The following UBTD1 variants were observed in gnomAD, a reference collection of about 807,000 sequenced individuals.
UBTD1 encodes ubiquitin domain-containing protein 1.
A neutral mutation model predicts 21.7 loss-of-function variants in UBTD1; 19 were observed. The observed-to-expected ratio is 0.87, with a 90% CI of 0.61 to 1.28. The LOEUF is 1.28. UBTD1 is among the 50% of genes most tolerant of loss of function. The pLI is 0.00. For missense variants in UBTD1, 282 were observed against 315.1 expected (o/e 0.89, Z 0.80); for synonymous variants, 116 against 135.1 (o/e 0.86, Z 0.98).
At chr10:97,503,669 A>G (rs1449882579) in intron 1 of UBTD1, among the ~76,000 whole-genome samples, 1 of 152,046 alleles carries the variant, frequency 6.6e-6, no homozygotes, top group Non-Finnish European at 1.5e-5. Context: ...TTGAGGGAGT[A>G]ATTGGGCAAC....
At chr10:97,523,312 A>C (rs778302460) in intron 1 of UBTD1, among the ~76,000 whole-genome samples, 17 of 152,224 alleles carry the variant, frequency 1.1e-4, no homozygotes, top group Non-Finnish European at 2.2e-4. Flanking sequence ...ATCTGGGAGC[A>C]ATAGAGGGAA....
At chr10:97,509,390 T>C (rs1009574981) in intron 1 of UBTD1, among the ~76,000 whole-genome samples, 4 of 152,222 alleles carry the variant, frequency 2.6e-5, no homozygotes, top group Non-Finnish European at 4.4e-5. Flanking sequence ...AATGTGATCA[T>C]GTGTGTGTGA....
intron 1 of UBTD1, among the ~76,000 whole-genome samples, chr10:97,561,273 G>T (rs1392727901): frequency 6.6e-6 from 1 of 152,098 alleles, no homozygotes; most frequent in Non-Finnish European, 1.5e-5. Context: ...CGTCTGAGGG[G>T]CTGCCTCAGC....
intron 1 of UBTD1, among the ~76,000 whole-genome samples, chr10:97,503,206 A>T (rs2040384958): frequency 6.6e-6 from 1 of 152,178 alleles, no homozygotes; most frequent in Non-Finnish European, 1.5e-5. Flanking sequence ...GTGAGCCGCC[A>T]CACCCAGCCT....
At chr10:97,539,368 A>G (rs1248087508) in intron 1 of UBTD1, among the ~76,000 whole-genome samples, 1 of 152,148 alleles carries the variant, frequency 6.6e-6, no homozygotes, top group East Asian at 1.9e-4. Flanking sequence ...CTAAGGCGGG[A>G]GGATCAGTTG....
At chr10:97,518,423 G>A (rs1478506245) in intron 1 of UBTD1, among the ~76,000 whole-genome samples, 3 of 152,178 alleles carry the variant, frequency 2.0e-5, no homozygotes, top group African/African-American at 7.2e-5. Context: ...CATGCCTACC[G>A]GCCCGAGGCT....
rs1361207053 is a variant in UBTD1 at position 97,498,974 on chromosome 10, C to T, written c.-230C>T. 2.4e-5 allele frequency: 11 copies of T among 455,240 alleles called. No individual in the cohort carries two copies. Among genetic ancestry groups the T allele is most frequent in the Non-Finnish European group, 3.8e-5 (10 of 262,076 alleles). The allele number at this position is 455,240 out of a possible 1,614,324, so 28.2% of individuals were successfully genotyped here. A position where few individuals can be genotyped will look rare whatever the true frequency, so the allele number is the denominator to read the frequency against. On this transcript the variant is annotated 5_prime_UTR_variant, in exon 1 of 3. Transcript: ENST00000370664. ...TCTCCGGCCGGGCACCGTCGCGGGC[C>T]CCCCTGGCCCGGCCACCTGGGACCG...
rs149635167 is a variant in UBTD1 at position 97,559,012 on chromosome 10, G to A, written c.71-8902G>A. 3.5e-3 allele frequency among the ~76,000 whole-genome samples: 538 copies of A among 152,242 alleles called. 4 individuals are homozygous for A. The highest frequency in any genetic ancestry group is 0.012 in the African/African-American group (478 of 41,538). Reference sequence around the variant, plus strand: ...CCACAATACCACCACGCATCCGCTCGGGGATGAACAAGGGCTGACTGATTG... The same window carrying A: ...CCACAATACCACCACGCATCCGCTCAGGGATGAACAAGGGCTGACTGATTG... On this transcript the variant is annotated intron_variant, in intron 1 of 2. Transcript: ENST00000370664.
intron 2 of UBTD1, among the ~76,000 whole-genome samples, 166 bp from the exon 3 acceptor site, chr10:97,569,972 C>G (rs2040737234): frequency 6.6e-6 from 1 of 152,000 alleles, no homozygotes; most frequent in African/African-American, 2.4e-5. Flanking sequence ...GTCAGGGCCC[C>G]ACGCTATGAC....
intron 2 of UBTD1, among the ~76,000 whole-genome samples, chr10:97,569,186 T>C (rs753652374): frequency 6.6e-6 from 1 of 152,212 alleles, no homozygotes; most frequent in African/African-American, 2.4e-5. Context: ...GCAAGGAGCT[T>C]CTCGAATTTA....
chr10:97,509,045 T>C (rs2040410577), intron 1 of UBTD1, among the ~76,000 whole-genome samples: 1 of 152,266 alleles, frequency 6.6e-6, no homozygotes. Context: ...AGCAAAGTGC[T>C]TGCAGAATCA....
intron 1 of UBTD1, among the ~76,000 whole-genome samples, chr10:97,522,526 G>A (rs1285623657): frequency 2.0e-5 from 3 of 152,274 alleles, no homozygotes; most frequent in South Asian, 2.1e-4. Flanking sequence ...GGTGAAGATC[G>A]GAGACAGGGT....
At chr10:97,509,564 C>G (rs1275054394) in intron 1 of UBTD1, among the ~76,000 whole-genome samples, 1 of 152,174 alleles carries the variant, frequency 6.6e-6, no homozygotes, top group Non-Finnish European at 1.5e-5. Context: ...CCTCCCTAGT[C>G]CTCCCTGGTC....
intron 1 of UBTD1, among the ~76,000 whole-genome samples, chr10:97,558,466 C>A (rs994816686): frequency 6.6e-6 from 1 of 152,142 alleles, no homozygotes; most frequent in African/African-American, 2.4e-5. Context: ...GGCCTTTGGA[C>A]GTGGGGGCAG....
At chr10:97,549,992 G>A (rs73332710) in intron 1 of UBTD1, among the ~76,000 whole-genome samples, 4,858 of 152,276 alleles carry the variant, frequency 0.032, 228 homozygotes, top group African/African-American at 0.1. Context: ...CCGCTGCCAG[G>A]TGGGACACTT....
intron 1 of UBTD1, among the ~76,000 whole-genome samples, chr10:97,504,075 C>G (rs1470731166): frequency 1.3e-5 from 2 of 152,082 alleles, no homozygotes; most frequent in Non-Finnish European, 2.9e-5. Flanking sequence ...TTCTCGTCGT[C>G]CCTGACTTCT....
At chr10:97,566,671 G>GCGGAGAT (rs946559016) in intron 1 of UBTD1, among the ~76,000 whole-genome samples, 7 of 152,350 alleles carry the variant, frequency 4.6e-5, no homozygotes, top group South Asian at 2.1e-4. Flanking sequence ...TTCTTTCTCA[G>GCGGAGAT]CGGAGATCGC....
intron 1 of UBTD1, among the ~76,000 whole-genome samples, 181 bp from the exon 2 acceptor site, chr10:97,567,729 AGGTT>A (rs1023403421): frequency 1.5e-4 from 23 of 151,642 alleles, no homozygotes; most frequent in African/African-American, 4.6e-4. Flanking sequence ...TTATGTCCCT[AGGTT>A]GGTTATGTGA....
intron 1 of UBTD1, among the ~76,000 whole-genome samples, chr10:97,547,178 T>C (rs1358312107): frequency 6.6e-6 from 1 of 152,226 alleles, no homozygotes. Flanking sequence ...CGTTCGCTTC[T>C]AGGCACCTGG....
Sources: gnomAD v4.1 joint callset for allele counts (sites outside exome capture counted in the v4.1 genomes callset) on GRCh38, gnomAD v4.1.1 for gene constraint, MANE v1.5 for transcripts, NCBI Gene and HGNC (gene_info 2026-07-23, HGNC 2026-07-21) for gene names.